MGST2: variants seen among roughly 807,000 people sequenced by gnomAD.
MGST2 encodes the protein microsomal glutathione S-transferase 2.
Under a neutral mutation model 16.6 loss-of-function variants are expected in MGST2, and 9 were observed. The observed-to-expected ratio is 0.54, with a 90% CI of 0.33 to 0.95. MGST2 has a LOEUF of 0.95. MGST2 is among the 40% of genes least tolerant of loss of function. The pLI is 0.03. For missense variants in MGST2, 159 were observed against 175.1 expected (o/e 0.91, Z 0.52); for synonymous variants, 79 against 68.0 (o/e 1.16, Z -0.79).
chr4:139,739,663 G>A (rs1446625684), intron 5 of MGST2, among the ~76,000 whole-genome samples: 1 of 143,122 alleles, frequency 7.0e-6, no homozygotes, highest in Non-Finnish European at 1.5e-5. Flanking sequence ...GTTAAGAAAG[G>A]CAGGGGAGGA....
chr4:139,726,310 T>A (rs1183767200), intron 5 of MGST2, among the ~76,000 whole-genome samples: 1 of 152,264 alleles, frequency 6.6e-6, no homozygotes. Context: ...ATCATATGAA[T>A]ATACCATAAT....
rs192991844 is a variant in MGST2, at chr4:139,696,540, G to A, written c.229+1273G>A. 1.3e-3 allele frequency among the ~76,000 whole-genome samples: 202 copies of A among 152,270 alleles called. 1 individual carries two copies. The highest frequency in any genetic ancestry group is 4.7e-3 in the African/African-American group (195 of 41,556). On this transcript the variant is annotated intron_variant, in intron 3 of 4. Transcript: ENST00000265498. Reference sequence around the variant, plus strand: ...ACTCGTCTCTACCAAGTCATCTTCTGTTAATTCATCTGGCGTGGTGTCTAT... The same window carrying A: ...ACTCGTCTCTACCAAGTCATCTTCTATTAATTCATCTGGCGTGGTGTCTAT...
At chr4:139,685,028 C>T (rs1731484203) in intron 2 of MGST2, 1 of 152,312 alleles carries the variant, frequency 6.6e-6, no homozygotes, top group South Asian at 2.1e-4. Flanking sequence ...TGCCCAATTC[C>T]TGAGCTTCTT....
chr4:139,749,300 G>A, the MGST2 span, among the ~76,000 whole-genome samples: 1 of 152,082 alleles, frequency 6.6e-6, no homozygotes, highest in Admixed American at 6.5e-5. Context: ...TATATTAAAT[G>A]CAAAAAAAGT....
intron 1 of MGST2, among the ~76,000 whole-genome samples, chr4:139,676,849 C>T (rs2110813880): frequency 6.6e-6 from 1 of 152,296 alleles, no homozygotes; most frequent in East Asian, 1.9e-4. Flanking sequence ...TTTCAAATGG[C>T]CCTGCAAAGC....
At chr4:139,736,521 G>A (rs1728954162) in intron 5 of MGST2, among the ~76,000 whole-genome samples, 2 of 151,528 alleles carry the variant, frequency 1.3e-5, no homozygotes, top group African/African-American at 4.9e-5. Flanking sequence ...ATACTCATAA[G>A]ACTCCTTGAC....
chr4:139,729,559 C>T (rs1052774351), intron 5 of MGST2, among the ~76,000 whole-genome samples: 7 of 152,168 alleles, frequency 4.6e-5, no homozygotes, highest in African/African-American at 1.7e-4. Context: ...ATATGACAAC[C>T]TCACACCTCC....
chr4:139,671,116 C>CTTAA (rs1380783235), intron 1 of MGST2, among the ~76,000 whole-genome samples: 7 of 152,116 alleles, frequency 4.6e-5, no homozygotes, highest in Admixed American at 3.3e-4. Context: ...CTTATGATCC[C>CTTAA]CATTTTAACC....
rs1482936527 is a variant in MGST2 at position 139,666,086 on chromosome 4, C to CAT, written c.58+10_58+11dup. 1.9e-6 allele frequency: 3 copies of CAT among 1,606,268 alleles called. No homozygotes were observed. The African/African-American group carries it at 4.2e-5, about 23-fold the overall frequency. ...CTCGGCCTGTCAGCAAAGTAAGAGG[C>CAT]ATGGGAAGTTCGTGTGTGTGCGCGT... On this transcript the variant is annotated intron_variant, in intron 1 of 4. Transcript: ENST00000265498.
the MGST2 span, among the ~76,000 whole-genome samples, chr4:139,752,667 C>T: frequency 1.3e-5 from 2 of 152,112 alleles, no homozygotes; most frequent in East Asian, 3.9e-4. Flanking sequence ...TACCACATAG[C>T]ATTTATACAT....
chr4:139,737,094 G>A (rs768150542), intron 5 of MGST2, among the ~76,000 whole-genome samples: 1 of 152,098 alleles, frequency 6.6e-6, no homozygotes, highest in Non-Finnish European at 1.5e-5. Flanking sequence ...GAGGAAGGGC[G>A]AGTCCCCTAT....
At chr4:139,721,268 A>T (rs1421570987) in intron 5 of MGST2, among the ~76,000 whole-genome samples, 2 of 152,222 alleles carry the variant, frequency 1.3e-5, no homozygotes, top group Non-Finnish European at 2.9e-5. Flanking sequence ...ACATGTTACC[A>T]GGAAATTTCC....
chr4:139,675,277 C>T (rs1336902901), intron 1 of MGST2, among the ~76,000 whole-genome samples: 1 of 152,102 alleles, frequency 6.6e-6, no homozygotes, highest in Non-Finnish European at 1.5e-5. Flanking sequence ...CTAGCAGGTC[C>T]CTAAGAGTGT....
chr4:139,729,780 A>T (rs1266814356), intron 5 of MGST2, among the ~76,000 whole-genome samples: 1 of 152,242 alleles, frequency 6.6e-6, no homozygotes, highest in African/African-American at 2.4e-5. Flanking sequence ...GAGGGTGGAC[A>T]AAGATGCTTA....
intron 1 of MGST2, among the ~76,000 whole-genome samples, chr4:139,671,600 G>A (rs1730697139): frequency 6.6e-6 from 1 of 151,998 alleles, no homozygotes; most frequent in Non-Finnish European, 1.5e-5. Context: ...CCGAGTAGCT[G>A]GGACTACAGG....
At chr4:139,746,879 AGGGAGAATCGGGT>A in the MGST2 span, among the ~76,000 whole-genome samples, 1 of 152,194 alleles carries the variant, frequency 6.6e-6, no homozygotes, top group Non-Finnish European at 1.5e-5. Context: ...TAAAAAGCCT[AGGGAGAATCGGGT>A]GGGAGGGGGT....
chr4:139,711,013 CT>C (rs76195730), intron 5 of MGST2, among the ~76,000 whole-genome samples: 292 of 141,320 alleles, frequency 2.1e-3, no homozygotes, highest in Middle Eastern at 3.7e-3. Context: ...TTATTTTTCC[CT>C]TTTTTTTTTT....
chr4:139,749,887 C>G, the MGST2 span, among the ~76,000 whole-genome samples: 1 of 114,084 alleles, frequency 8.8e-6, no homozygotes, highest in Admixed American at 8.8e-5. Flanking sequence ...GAATAAGAAC[C>G]CCCCCCCACC....
rs547780606 is a variant in MGST2 at position 139,725,632 on chromosome 4, A to T, written c.*49-14580A>T. ...TAGTACTCTTAACCTACCAGTAGTT[A>T]CATATTTTGAGTATTTCCTGGACAC... On this transcript the variant is annotated intron_variant, in intron 5 of 5. Coordinates refer to the MGST2 transcript ENST00000616265. The T allele has an allele frequency of 4.2e-6, 4 of 958,162 alleles. No homozygotes were observed. In the African/African-American group the frequency reaches 6.5e-5, roughly 16 times the overall value. 59.4% of individuals were successfully genotyped at this position (958,162 alleles called of 1,614,324 possible). A position where few individuals can be genotyped will look rare whatever the true frequency, so the allele number is the denominator to read the frequency against.
Sources: allele counts gnomAD v4.1 joint callset (sites outside exome capture counted in the v4.1 genomes callset), GRCh38; gene constraint gnomAD v4.1.1; transcripts MANE v1.5; gene names NCBI Gene and HGNC (gene_info 2026-07-23, HGNC 2026-07-21).